The following NTRK3 variants were observed in gnomAD, a reference collection of about 807,000 sequenced individuals.
The protein encoded by NTRK3 is NT-3 growth factor receptor.
Under a neutral mutation model 91.7 loss-of-function variants are expected in NTRK3, and 24 were observed. The observed-to-expected ratio is 0.26, with a 90% CI of 0.19 to 0.37. The LOEUF is 0.37. NTRK3 is among the 10% of genes least tolerant of loss of function. NTRK3 has a pLI of 1.00. For missense variants in NTRK3, 880 were observed against 1,068.9 expected (o/e 0.82, Z 2.46); for synonymous variants, 483 against 404.0 (o/e 1.20, Z -2.34).
At chr15:87,877,755 T>C (rs149251231) in intron 18 of NTRK3, among the ~76,000 whole-genome samples, 55 of 152,204 alleles carry the variant, frequency 3.6e-4, no homozygotes, top group Middle Eastern at 3.4e-3. Context: ...ACTAACTGCT[T>C]GATTCACCAC....
At chr15:88,189,948 C>T (rs1037040198) in intron 3 of NTRK3, among the ~76,000 whole-genome samples, 1 of 152,142 alleles carries the variant, frequency 6.6e-6, no homozygotes, top group Admixed American at 6.5e-5. Context: ...TACTCCTCTC[C>T]TATGCAGAAA....
intron 14 of NTRK3, 106 bp downstream of exon 14, chr15:88,032,751 G>A: frequency 1.6e-6 from 2 of 1,248,756 alleles, no homozygotes; most frequent in East Asian, 2.4e-5. Context: ...GTGGGAGGTT[G>A]GCAGGTAGCA....
chr15:87,908,659 T>C (rs1384149066), intron 17 of NTRK3: 3 of 397,946 alleles, frequency 7.5e-6, no homozygotes, highest in Admixed American at 8.8e-5. Flanking sequence ...AGGAGGAGCA[T>C]GAGGAAAGCA....
intron 13 of NTRK3, among the ~76,000 whole-genome samples, chr15:88,104,318 T>A (rs918396525): frequency 6.6e-6 from 1 of 152,252 alleles, no homozygotes; most frequent in Non-Finnish European, 1.5e-5. Flanking sequence ...AATACATTTA[T>A]CAGCTTCCTT....
At chr15:88,204,610 G>A (rs1001321114) in intron 3 of NTRK3, among the ~76,000 whole-genome samples, 5 of 152,244 alleles carry the variant, frequency 3.3e-5, no homozygotes, top group Admixed American at 1.3e-4. Flanking sequence ...CCTCAGAAAG[G>A]CCCTTTCCTT....
intron 14 of NTRK3, among the ~76,000 whole-genome samples, chr15:88,015,674 C>T (rs1475671030): frequency 6.6e-6 from 1 of 152,196 alleles, no homozygotes; most frequent in African/African-American, 2.4e-5. Flanking sequence ...GGAGTGTGGA[C>T]TCCCTCATGC....
intron 3 of NTRK3, among the ~76,000 whole-genome samples, chr15:88,239,566 G>A (rs768452020): frequency 6.6e-6 from 1 of 152,150 alleles, no homozygotes; most frequent in African/African-American, 2.4e-5. Flanking sequence ...GCAGGTTCAG[G>A]TCAAGTCCAG....
chr15:88,211,859 A>G (rs2141429347), intron 3 of NTRK3, among the ~76,000 whole-genome samples: 1 of 152,384 alleles, frequency 6.6e-6, no homozygotes, highest in African/African-American at 2.4e-5. Flanking sequence ...TTATATTTCT[A>G]CAAGAGACAG....
intron 14 of NTRK3, among the ~76,000 whole-genome samples, chr15:87,953,430 G>A (rs1233357650): frequency 6.6e-6 from 1 of 152,210 alleles, no homozygotes; most frequent in Non-Finnish European, 1.5e-5. Flanking sequence ...GTCACATAGA[G>A]AAGTGTGAGG....
chr15:88,189,418 C>CTTTTTTT (rs10588011), intron 3 of NTRK3, among the ~76,000 whole-genome samples: 2 of 147,054 alleles, frequency 1.4e-5, no homozygotes, highest in Non-Finnish European at 3.0e-5. Context: ...ATTGCAATTC[C>CTTTTTTT]TTTTTTTTTT....
At chr15:88,210,231 C>G (rs2049125089) in intron 3 of NTRK3, 1 of 152,182 alleles carries the variant, frequency 6.6e-6, no homozygotes, top group Non-Finnish European at 1.5e-5. Flanking sequence ...GGGAGGGCCT[C>G]TCAAAGGGAG....
chr15:87,924,989 C>T (rs368852114), intron 17 of NTRK3, among the ~76,000 whole-genome samples: 3 of 152,150 alleles, frequency 2.0e-5, no homozygotes, highest in African/African-American at 4.8e-5. Flanking sequence ...GAAATCTCAA[C>T]CTTCTCCCCT....
chr15:88,143,319 T>C (rs570634237), intron 6 of NTRK3, among the ~76,000 whole-genome samples: 20 of 152,314 alleles, frequency 1.3e-4, no homozygotes, highest in Non-Finnish European at 2.4e-4. Context: ...GTTGAAGTGA[T>C]GCTGCCACAA....
At chr15:88,195,383 C>A (rs527650160) in intron 3 of NTRK3, among the ~76,000 whole-genome samples, 1 of 152,300 alleles carries the variant, frequency 6.6e-6, no homozygotes, top group Admixed American at 6.5e-5. Context: ...ATCCAAGTTC[C>A]CGGTACATAG....
chr15:88,120,693 C>T (rs1392924915), intron 13 of NTRK3, among the ~76,000 whole-genome samples: 4 of 152,220 alleles, frequency 2.6e-5, no homozygotes, highest in African/African-American at 9.6e-5. Context: ...AGAGAATTTT[C>T]GAAAGCCCCA....
chr15:88,027,451 C>T (rs377415069), intron 14 of NTRK3, among the ~76,000 whole-genome samples: 31 of 152,260 alleles, frequency 2.0e-4, no homozygotes, highest in African/African-American at 4.3e-4. Context: ...GGCGCAACCT[C>T]GGCTCACTGC....
intron 5 of NTRK3, among the ~76,000 whole-genome samples, chr15:88,157,329 A>G (rs1217656219): frequency 6.6e-6 from 1 of 151,712 alleles, no homozygotes; most frequent in African/African-American, 2.4e-5. Flanking sequence ...CAAGAAACAC[A>G]CTGAGAACTC....
chr15:88,158,026 G>A (rs960253472), intron 5 of NTRK3, among the ~76,000 whole-genome samples: 7 of 152,304 alleles, frequency 4.6e-5, no homozygotes, highest in African/African-American at 7.2e-5. Flanking sequence ...CCCGGGTGCC[G>A]GTCCTACCAC....
intron 15 of NTRK3, among the ~76,000 whole-genome samples, chr15:87,937,975 A>C (rs1226643168): frequency 1.3e-5 from 2 of 152,136 alleles, no homozygotes; most frequent in African/African-American, 4.8e-5. Context: ...GACGAAAAAA[A>C]AAAAGGAAAA....
Sources: allele counts gnomAD v4.1 joint callset (sites outside exome capture counted in the v4.1 genomes callset), GRCh38; gene constraint gnomAD v4.1.1; transcripts MANE v1.5; gene names NCBI Gene and HGNC (gene_info 2026-07-23, HGNC 2026-07-21).